The following DAAM1 variants were observed in gnomAD, a reference collection of about 807,000 sequenced individuals.
DAAM1 encodes dishevelled associated activator of morphogenesis 1.
In DAAM1, 52 loss-of-function variants were observed where a neutral mutation model predicts 130.0. The observed-to-expected ratio is 0.40, with a 90% CI of 0.32 to 0.50. DAAM1 has a LOEUF of 0.50. Ranked by LOEUF, DAAM1 falls within the 20% of genes least tolerant of loss-of-function variation. The probability of loss-of-function intolerance (pLI) is 0.61; values close to 1 mark genes in which losing one functional copy is unlikely to be tolerated. For synonymous variants in DAAM1, 452 were observed against 444.5 expected (o/e 1.02, Z -0.21); for missense variants, 1,134 against 1,303.8 (o/e 0.87, Z 2.01).
chr14:59,266,519 C>G (rs1343768280), intron 2 of DAAM1, among the ~76,000 whole-genome samples: 1 of 152,226 alleles, frequency 6.6e-6, no homozygotes, highest in Non-Finnish European at 1.5e-5. Context: ...GTGAAAATTG[C>G]CTACAGCTGC....
chr14:59,283,296 A>T (rs990847807), intron 2 of DAAM1, among the ~76,000 whole-genome samples: 1 of 152,186 alleles, frequency 6.6e-6, no homozygotes, highest in African/African-American at 2.4e-5. Context: ...TTTCCCATTC[A>T]TCAATAGTTA....
rs528467369 is a variant in DAAM1, at chr14:59,278,883, C to T, written c.184-12334C>T. Among the ~76,000 whole-genome samples the T allele has an allele frequency of 1.8e-4, 27 of 152,324 alleles. 1 individual carries two copies. Among genetic ancestry groups the T allele is most frequent in the African/African-American group, 5.5e-4 (23 of 41,570 alleles). ...CAGTTTTCTTTCCTCCTTCTTCATA[C>T]ACTTCTTTCCAATCAGTTTCTCTTT... On this transcript the variant is annotated intron_variant, in intron 2 of 24. Coordinates refer to ENST00000360909, the MANE Select transcript of DAAM1 (RefSeq NM_001270520.2).
At chr14:59,346,595 C>G (rs1886089022) in intron 16 of DAAM1, among the ~76,000 whole-genome samples, 1 of 152,044 alleles carries the variant, frequency 6.6e-6, no homozygotes, top group Non-Finnish European at 1.5e-5. Flanking sequence ...AGTGAGACCC[C>G]ATTTCCATCA....
intron 1 of DAAM1, among the ~76,000 whole-genome samples, chr14:59,202,528 A>C (rs1377476175): frequency 1.3e-5 from 2 of 152,218 alleles, no homozygotes; most frequent in African/African-American, 4.8e-5. Flanking sequence ...CCATTTAAAA[A>C]ATGTTTTTAG....
intron 1 of DAAM1, among the ~76,000 whole-genome samples, chr14:59,228,164 T>C (rs890297351): frequency 1.3e-5 from 2 of 152,236 alleles, no homozygotes; most frequent in Admixed American, 1.3e-4. Context: ...ATGAAATCTT[T>C]TAAATTTGTG....
chr14:59,245,126 A>G (rs1013922130), intron 1 of DAAM1, among the ~76,000 whole-genome samples: 7 of 152,176 alleles, frequency 4.6e-5, no homozygotes, highest in African/African-American at 1.2e-4. Context: ...CATTTTTTCT[A>G]CTGTGTCTTC....
At chr14:59,321,294 G>T (rs1462961514) in intron 5 of DAAM1, among the ~76,000 whole-genome samples, 1 of 152,184 alleles carries the variant, frequency 6.6e-6, no homozygotes, top group Non-Finnish European at 1.5e-5. Context: ...ATTAGTGGTT[G>T]CCAGGAGCTG....
chr14:59,211,695 C>A lies in DAAM1; in HGVS notation c.-38+22927C>A, dbSNP rs1888429987. Among the ~76,000 whole-genome samples, 3 of 152,166 alleles carry A rather than the reference C, an allele frequency of 2.0e-5. 1 individual carries two copies. The South Asian group carries it at 6.2e-4, about 32-fold the overall frequency. On this transcript the variant is annotated intron_variant, in intron 1 of 24. Coordinates refer to ENST00000360909, the MANE Select transcript of DAAM1 (RefSeq NM_001270520.2). ...GAGTAAAATAATCAGACACTTCACT[C>A]ACATTCTATGAATAAATAACACCTC...
chr14:59,335,314 C>T (rs1885583866), intron 15 of DAAM1, among the ~76,000 whole-genome samples: 1 of 152,140 alleles, frequency 6.6e-6, no homozygotes, highest in Admixed American at 6.5e-5. Context: ...TAATAGCAGG[C>T]AGTTATTTCT....
chr14:59,296,178 A>C (rs1388540356), intron 3 of DAAM1, among the ~76,000 whole-genome samples: 1 of 152,214 alleles, frequency 6.6e-6, no homozygotes, highest in Non-Finnish European at 1.5e-5. Context: ...AGGCTATATA[A>C]GGGAAGCACA....
chr14:59,214,629 C>A (rs557006599), intron 1 of DAAM1, among the ~76,000 whole-genome samples: 1 of 152,298 alleles, frequency 6.6e-6, no homozygotes, highest in East Asian at 1.9e-4. Flanking sequence ...TGACGTCTCT[C>A]ATCTAGTTTA....
In DAAM1 at chr14:59,369,753, TAAAAAAA is replaced by T. The variant is rs72238797; in HGVS notation, c.*912_*918del. The T allele has an allele frequency of 2.2e-4, 21 of 95,620 alleles. No homozygotes were observed. Among genetic ancestry groups the T allele is most frequent in the African/African-American group, 3.3e-4 (8 of 23,898 alleles). 5.9% of individuals were successfully genotyped at this position (95,620 alleles called of 1,614,324 possible). A position where few individuals can be genotyped will look rare whatever the true frequency, so the allele number is the denominator to read the frequency against. On this transcript the variant is annotated 3_prime_UTR_variant, in exon 25 of 25. Transcript: ENST00000360909. ...AATTCTCTGAAGGGATAAAGATTAC[TAAAAAAA>T]AAAAAAAAAAAAAAAAATTAATGGG...
At chr14:59,224,109 A>T (rs1240615430) in intron 1 of DAAM1, among the ~76,000 whole-genome samples, 1 of 152,196 alleles carries the variant, frequency 6.6e-6, no homozygotes. Context: ...GGTGACAGCA[A>T]ACTGATTTTG....
intron 1 of DAAM1, among the ~76,000 whole-genome samples, chr14:59,195,839 G>A (rs1887871539): frequency 6.6e-6 from 1 of 151,958 alleles, no homozygotes; most frequent in Non-Finnish European, 1.5e-5. Context: ...CCTTGTTTTG[G>A]AGCCACAAAC....
At chr14:59,330,876 A>T (rs933282334) in intron 13 of DAAM1, among the ~76,000 whole-genome samples, 188 bp downstream of exon 13, 2 of 152,220 alleles carry the variant, frequency 1.3e-5, no homozygotes, top group African/African-American at 4.8e-5. Context: ...GTGCATTTTT[A>T]AATACTGTAC....
In DAAM1 at chr14:59,320,244, A is replaced by G. The variant is rs557107017; in HGVS notation, c.346-246A>G. Among the ~76,000 whole-genome samples, 192 of 152,376 alleles carry G rather than the reference A, an allele frequency of 1.3e-3. 1 individual carries two copies. Among genetic ancestry groups the G allele is most frequent in the African/African-American group, 4.5e-3 (186 of 41,594 alleles). On this transcript the variant is annotated intron_variant, in intron 4 of 24. Coordinates refer to ENST00000360909, the MANE Select transcript of DAAM1 (RefSeq NM_001270520.2). Reference sequence around the variant, plus strand: ...AGTCTTATTTCTATCAAATACAAGTAGTAGTATCTACATCAAAGTGTAATT... The same window carrying G: ...AGTCTTATTTCTATCAAATACAAGTGGTAGTATCTACATCAAAGTGTAATT...
chr14:59,355,921 A>G (rs1312653288), intron 20 of DAAM1, among the ~76,000 whole-genome samples: 1 of 152,194 alleles, frequency 6.6e-6, no homozygotes, highest in East Asian at 1.9e-4. Context: ...TTATGTATAA[A>G]TGCATTTTGG....
chr14:59,286,267 T>G (rs1883447183), intron 2 of DAAM1, among the ~76,000 whole-genome samples: 1 of 152,116 alleles, frequency 6.6e-6, no homozygotes, highest in Non-Finnish European at 1.5e-5. Flanking sequence ...CCAGAATTTT[T>G]GGGACATAGC....
At chr14:59,308,185 T>C (rs1594812881) in intron 3 of DAAM1, among the ~76,000 whole-genome samples, 2 of 152,172 alleles carry the variant, frequency 1.3e-5, no homozygotes, top group South Asian at 4.1e-4. Flanking sequence ...TATGTGAAAA[T>C]AGTCCTTTTA....
Sources: gnomAD v4.1 joint callset for allele counts (sites outside exome capture counted in the v4.1 genomes callset) on GRCh38, gnomAD v4.1.1 for gene constraint, MANE v1.5 for transcripts, NCBI Gene and HGNC (gene_info 2026-07-23, HGNC 2026-07-21) for gene names.